Variants in KCNQ1 observed in about 807,000 individuals in gnomAD.
The protein encoded by KCNQ1 is potassium voltage-gated channel subfamily KQT member 1.
A neutral mutation model predicts 72.4 loss-of-function variants in KCNQ1; 49 were observed. The observed-to-expected ratio is 0.68, with a 90% CI of 0.54 to 0.86. KCNQ1 has a LOEUF of 0.86. KCNQ1 is among the 40% of genes least tolerant of loss of function. The probability of loss-of-function intolerance (pLI) is 0.00; values close to 1 mark genes in which losing one functional copy is unlikely to be tolerated. For missense variants in KCNQ1, 790 were observed against 945.1 expected, an observed-to-expected ratio of 0.84 and a Z score of 2.15; for synonymous variants, 450 against 412.6, an observed-to-expected ratio of 1.09 and a Z score of -1.10.
Position 2,624,449 on chromosome 11 carries a change from C to G in KCNQ1, c.1393+35595C>G. 2.5e-6 allele frequency: 1 copy of G among 398,358 alleles called. No individual in the cohort carries two copies. The highest frequency in any genetic ancestry group is 3.6e-5 in the East Asian group (1 of 28,056). The allele number at this position is 398,358 out of a possible 1,614,324, so 24.7% of individuals were successfully genotyped here. A position where few individuals can be genotyped will look rare whatever the true frequency, so the allele number is the denominator to read the frequency against. ...AGTCTAGCTTATCAATTATTTCTTT[C>G]ATGAATCATGCCTTTGGTGTCATAT... is the stretch of plus-strand genomic sequence containing the variant. On this transcript the variant is annotated intron_variant, in intron 10 of 15. Transcript: ENST00000155840. This position sits in a 1 kb window ranked among gnomAD's most constrained non-coding sequence, Gnocchi z 4.9.
At chr11:2,790,625 G>A (rs993966083) in intron 15 of KCNQ1, among the ~76,000 whole-genome samples, 2 of 152,176 alleles carry the variant, frequency 1.3e-5, no homozygotes, top group African/African-American at 2.4e-5. Flanking sequence ...CCCCCTACAC[G>A]CGATGGCTGT....
rs529071282 is a variant in KCNQ1, at chr11:2,813,470, C to A, written c.1795-34297C>A. Among the ~76,000 whole-genome samples, 1 of 152,230 alleles carries A rather than the reference C, an allele frequency of 6.6e-6. No homozygotes were observed. Among genetic ancestry groups the A allele is most frequent in the East Asian group, 2.0e-4 (1 of 5,128 alleles). On this transcript the variant is annotated intron_variant, in intron 15 of 15. Coordinates refer to ENST00000155840, the MANE Select transcript of KCNQ1 (RefSeq NM_000218.3). This position sits in a 1 kb window ranked among gnomAD's most constrained non-coding sequence, Gnocchi z 4.4. Reference sequence around the variant, plus strand: ...TCCCCCGCCATCTTTTCATGACTCTCCCCCTTCCTCAACCCTGCGCCTGGT... The same window carrying A: ...TCCCCCGCCATCTTTTCATGACTCTACCCCTTCCTCAACCCTGCGCCTGGT...
At position 2,451,391 on chromosome 11, in the gene KCNQ1, C is replaced by T. The variant is rs374178523; in HGVS notation, c.386+5907C>T. On this transcript the variant is annotated intron_variant, in intron 1 of 15. Transcript: ENST00000155840. This position sits in a 1 kb window ranked among gnomAD's most constrained non-coding sequence, Gnocchi z 6.4. ...CAGGTGGCCGTGCACATTCACCTGA[C>T]GCTCACTCACTGCTGTGCGGCCTGC... Among the ~76,000 whole-genome samples the T allele has an allele frequency of 8.5e-5, 13 of 152,330 alleles. No individual in the cohort carries two copies. Among genetic ancestry groups the T allele is most frequent in the African/African-American group, 2.2e-4 (9 of 41,576 alleles).
At position 2,603,687 on chromosome 11, in the gene KCNQ1, C is replaced by T. The variant is rs1167293003; in HGVS notation, c.1393+14833C>T. Among the ~76,000 whole-genome samples, 1 of 152,126 alleles carries T rather than the reference C, an allele frequency of 6.6e-6. No individual in the cohort carries two copies. Among genetic ancestry groups the T allele is most frequent in the East Asian group, 1.9e-4 (1 of 5,180 alleles). On this transcript the variant is annotated intron_variant, in intron 10 of 15. Coordinates refer to ENST00000155840, the MANE Select transcript of KCNQ1 (RefSeq NM_000218.3). This position sits in a 1 kb window ranked among gnomAD's most constrained non-coding sequence, Gnocchi z 4.1. ...CATCATGTTTTCAAGGTTTGTGCTT[C>T]AGTGCTTCTTTTTTTTTCCCCGAGA... is the stretch of plus-strand genomic sequence containing the variant.
intron 2 of KCNQ1, among the ~76,000 whole-genome samples, chr11:2,554,773 T>A (rs1848043288): frequency 6.6e-6 from 1 of 152,258 alleles, no homozygotes; most frequent in Non-Finnish European, 1.5e-5. Flanking sequence ...TGTGTAAACT[T>A]CAGCCCTAAA....
rs1215404667 is a variant in KCNQ1 at position 2,450,173 on chromosome 11, G to C, written c.386+4689G>C. ...CCTGCGATATCTTGCTGTGATTCAA[G>C]ACTCTGTCCACGGGCAAGAACAACA... On this transcript the variant is annotated intron_variant, in intron 1 of 15. Transcript: ENST00000155840. The surrounding 1 kb of genome is among the most constrained non-coding windows in gnomAD (Gnocchi z 7.9). 6.6e-6 allele frequency among the ~76,000 whole-genome samples: 1 copy of C among 152,188 alleles called. No homozygotes were observed. The highest frequency in any genetic ancestry group is 1.5e-5 in the Non-Finnish European group (1 of 68,036).
At position 2,471,149 on chromosome 11, in the gene KCNQ1, G is replaced by A. The variant is rs1479422122; in HGVS notation, c.386+25665G>A. On this transcript the variant is annotated intron_variant, in intron 1 of 15. Transcript: ENST00000155840. The surrounding 1 kb of genome is among the most constrained non-coding windows in gnomAD (Gnocchi z 4.8). ...CTCATCTCATCGATATCTCCCAACG[G>A]CTGGGGAACAAGGGCTGACTCGGCT... 3.3e-5 allele frequency among the ~76,000 whole-genome samples: 5 copies of A among 151,862 alleles called. No homozygotes were observed. The highest frequency in any genetic ancestry group is 1.2e-4 in the African/African-American group (5 of 41,318).
chr11:2,618,888 C>T (rs988175710), intron 10 of KCNQ1: 5 of 398,014 alleles, frequency 1.3e-5, no homozygotes, highest in African/African-American at 2.1e-5. Context: ...GTGTACAGGT[C>T]TTTCATCTTT....
At chr11:2,825,947 C>T (rs1388957926) in intron 15 of KCNQ1, among the ~76,000 whole-genome samples, 1 of 152,244 alleles carries the variant, frequency 6.6e-6, no homozygotes, top group Non-Finnish European at 1.5e-5. Context: ...TCCTCAGATC[C>T]TGTCCCCATT....
At chr11:2,505,461 T>A (rs4930117) in intron 1 of KCNQ1, among the ~76,000 whole-genome samples, 82,461 of 151,892 alleles carry the variant, frequency 0.54, 23,906 homozygotes, top group Non-Finnish European at 0.66. Context: ...ATGGGTCGAG[T>A]GTTCTCTGCA....
chr11:2,662,019 C>T lies in KCNQ1; in HGVS notation c.1452C>T (p.Ser484=). Residue 484 remains serine, a synonymous_variant, in exon 11 of 16, where the codon AGC becomes AGT. Transcript: ENST00000155840. The part of the protein sequence containing the change: ...VSMPHFMRTN[S]FAEDLDLEGE... ...TGCCCCATTTCATGAGAACCAACAGCTTCGCCGAGGACCTGGACCTGGAAG... is the reference window on the plus strand; with the variant it reads ...TGCCCCATTTCATGAGAACCAACAGTTTCGCCGAGGACCTGGACCTGGAAG... 1 of 1,614,216 alleles carries T rather than the reference C, an allele frequency of 6.2e-7. No individual in the cohort carries two copies. Among genetic ancestry groups the T allele is most frequent in the African/African-American group, 1.3e-5 (1 of 75,062 alleles).
rs1435587419 is a variant in KCNQ1 at position 2,781,119 on chromosome 11, AG to A, written c.1794+3085del. On this transcript the variant is annotated intron_variant, in intron 15 of 15. Transcript: ENST00000155840. The surrounding 1 kb of genome is among the most constrained non-coding windows in gnomAD (Gnocchi z 6.6). ...GGGTTTGACTCCTGCTTGTGTCCTT[AG>A]GGTCAAAAGTCACAAAAGCTGCCTC... Among the ~76,000 whole-genome samples, 1 of 152,018 alleles carries A rather than the reference AG, an allele frequency of 6.6e-6. No homozygotes were observed. Among genetic ancestry groups the A allele is most frequent in the Non-Finnish European group, 1.5e-5 (1 of 68,004 alleles).
At chr11:2,640,140 ACC>A (rs932268910) in intron 10 of KCNQ1, 8 of 348,084 alleles carry the variant, frequency 2.3e-5, no homozygotes, top group African/African-American at 1.1e-4. Context: ...GAATTCCCTG[ACC>A]CCTTGTGCTT....
Position 2,463,406 on chromosome 11 carries a change from C to T in KCNQ1, c.386+17922C>T, listed in dbSNP as rs569486680. Among the ~76,000 whole-genome samples the T allele has an allele frequency of 5.3e-5, 8 of 152,262 alleles. No homozygotes were observed. The highest frequency in any genetic ancestry group is 3.9e-4 in the East Asian group (2 of 5,184). ...GGAGCCTGGTACAGCTGCACGGAGG[C>T]GCAGCACCCACAGGACAAGTGGTGG... On this transcript the variant is annotated intron_variant, in intron 1 of 15. Coordinates refer to ENST00000155840, the MANE Select transcript of KCNQ1 (RefSeq NM_000218.3). The surrounding 1 kb of genome is among the most constrained non-coding windows in gnomAD (Gnocchi z 7.0).
chr11:2,519,228 G>T (rs532110930), intron 1 of KCNQ1, among the ~76,000 whole-genome samples: 1 of 152,216 alleles, frequency 6.6e-6, no homozygotes, highest in Non-Finnish European at 1.5e-5. Context: ...GCCATGTCCC[G>T]CCTGTGCCGG....
intron 15 of KCNQ1, among the ~76,000 whole-genome samples, chr11:2,841,206 G>C (rs1291832393): frequency 6.6e-6 from 1 of 152,144 alleles, no homozygotes; most frequent in Non-Finnish European, 1.5e-5. Context: ...AGGCCCCAGG[G>C]CCCAACTGAG....
chr11:2,452,808 G>A (rs1846134865), intron 1 of KCNQ1, among the ~76,000 whole-genome samples: 1 of 152,172 alleles, frequency 6.6e-6, no homozygotes, highest in African/African-American at 2.4e-5. Flanking sequence ...CATTGTATAT[G>A]AAGTTTCGTA....
intron 15 of KCNQ1, among the ~76,000 whole-genome samples, chr11:2,788,806 T>C (rs1846961820): frequency 6.6e-6 from 1 of 152,214 alleles, no homozygotes; most frequent in Admixed American, 6.5e-5. Context: ...CTGTTTTGTC[T>C]GGGGTTCCAA....
At position 2,612,272 on chromosome 11, in the gene KCNQ1, G is replaced by A. The variant is rs1054233640; in HGVS notation, c.1393+23418G>A. The A allele has an allele frequency of 1.8e-5, 7 of 398,542 alleles. No individual in the cohort carries two copies. Among genetic ancestry groups the A allele is most frequent in the African/African-American group, 1.2e-4 (6 of 48,648 alleles). The allele number at this position is 398,542 out of a possible 1,614,324, so 24.7% of individuals were successfully genotyped here. A position where few individuals can be genotyped will look rare whatever the true frequency, so the allele number is the denominator to read the frequency against. ...GAGAGCAAATCCTATTGTGAACTGA[G>A]CATGTGAGGGATCTAGGTTGTGCAC... On this transcript the variant is annotated intron_variant, in intron 10 of 15. Coordinates refer to ENST00000155840, the MANE Select transcript of KCNQ1 (RefSeq NM_000218.3). This position sits in a 1 kb window ranked among gnomAD's most constrained non-coding sequence, Gnocchi z 5.5.
Sources: allele counts gnomAD v4.1 joint callset (sites outside exome capture counted in the v4.1 genomes callset), GRCh38; gene constraint gnomAD v4.1.1; non-coding constraint Gnocchi (gnomAD v3.1); transcripts MANE v1.5; gene names NCBI Gene and HGNC (gene_info 2026-07-23, HGNC 2026-07-21).